PXDNL: variants seen among roughly 807,000 people sequenced by gnomAD.
PXDNL encodes peroxidasin like, also known as probable oxidoreductase PXDNL.
Under a neutral mutation model 150.8 loss-of-function variants are expected in PXDNL, and 145 were observed. That is an observed-to-expected ratio of 0.96 (90% CI 0.84 to 1.10). PXDNL has a LOEUF of 1.10. Among genes scored for constraint, PXDNL ranks in the 50% least tolerant of loss-of-function variants. The pLI is 0.00. For synonymous variants in PXDNL, 757 were observed against 725.7 expected (o/e 1.04, Z -0.69); for missense variants, 2,087 against 1,873.9 (o/e 1.11, Z -2.10).
chr8:51,500,351 G>T (rs1202226125), intron 4 of PXDNL, among the ~76,000 whole-genome samples: 3 of 152,274 alleles, frequency 2.0e-5, no homozygotes, highest in African/African-American at 4.8e-5. Flanking sequence ...TCCCCTCTGT[G>T]CAACTGATCC....
chr8:51,675,629 C>G (rs1464931533), intron 1 of PXDNL, among the ~76,000 whole-genome samples: 1 of 151,702 alleles, frequency 6.6e-6, no homozygotes, highest in East Asian at 1.9e-4. Context: ...CCTGTCTCTA[C>G]TAAAAATACA....
intron 8 of PXDNL, among the ~76,000 whole-genome samples, chr8:51,471,019 A>C (rs1309002658): frequency 1.0e-5 from 1 of 96,518 alleles, no homozygotes; most frequent in Admixed American, 1.1e-4. Context: ...TCTGCACAGC[A>C]AAAAAAAAAA....
At chr8:51,576,393 C>T (rs941068394) in intron 3 of PXDNL, among the ~76,000 whole-genome samples, 9 of 151,586 alleles carry the variant, frequency 5.9e-5, no homozygotes, top group Admixed American at 5.9e-4. Context: ...AATATCTAAA[C>T]ACTTGGAAAC....
At chr8:51,729,776 AG>A (rs536633497) in intron 1 of PXDNL, among the ~76,000 whole-genome samples, 84 of 152,306 alleles carry the variant, frequency 5.5e-4, no homozygotes, top group African/African-American at 1.4e-3. Context: ...GATAAACTGT[AG>A]TACATCCACA....
Position 51,794,187 on chromosome 8 carries a change from G to A in PXDNL, c.164+14994C>T, listed in dbSNP as rs150769963. Among the ~76,000 whole-genome samples the A allele has an allele frequency of 2.6e-4, 39 of 152,218 alleles. No individual in the cohort carries two copies. In the East Asian group the frequency reaches 6.8e-3, roughly 26 times the overall value. On this transcript the variant is annotated intron_variant, in intron 1 of 22. Coordinates refer to ENST00000356297, the MANE Select transcript of PXDNL (RefSeq NM_144651.5). ...ATGTGAAAAGACGGAACCTATGACC[G>A]ATTGGGGTACTTGAAAGAGATGGGG... is the stretch of plus-strand genomic sequence containing the variant.
At chr8:51,646,809 C>G (rs1196226774) in intron 2 of PXDNL, among the ~76,000 whole-genome samples, 1 of 151,966 alleles carries the variant, frequency 6.6e-6, no homozygotes, top group Non-Finnish European at 1.5e-5. Context: ...AATGACAAAC[C>G]AATGATTAGG....
Position 51,324,235 on chromosome 8 carries a change from G to T in PXDNL, c.4147-3338C>A, listed in dbSNP as rs114541263. 9.9e-3 allele frequency among the ~76,000 whole-genome samples: 1,508 copies of T among 152,232 alleles called. 24 individuals carry two copies. Among genetic ancestry groups the T allele is most frequent in the African/African-American group, 0.035 (1,459 of 41,534 alleles). On this transcript the variant is annotated intron_variant, in intron 21 of 22. Coordinates refer to ENST00000356297, the MANE Select transcript of PXDNL (RefSeq NM_144651.5). ...TAGGCAGCTGTATCATCTGAAAATA[G>T]TTTTATTTCTTCCTTTTCAATCTAT...
At chr8:51,373,605 G>A (rs1807196991) in intron 18 of PXDNL, among the ~76,000 whole-genome samples, 1 of 152,110 alleles carries the variant, frequency 6.6e-6, no homozygotes, top group African/African-American at 2.4e-5. Context: ...TGCAATAAAG[G>A]GAATTAAATC....
chr8:51,639,332 G>A (rs905601988), intron 2 of PXDNL, among the ~76,000 whole-genome samples: 2 of 151,962 alleles, frequency 1.3e-5, no homozygotes, highest in Non-Finnish European at 2.9e-5. Context: ...GCTAGCAGAA[G>A]GCAAGAAATA....
intron 10 of PXDNL, 108 bp downstream of exon 10, chr8:51,453,411 C>T (rs1176562279): frequency 3.4e-6 from 4 of 1,163,596 alleles, no homozygotes; most frequent in Non-Finnish European, 4.9e-6. Context: ...AAATAATTGG[C>T]AAATAAAAAT....
chr8:51,602,573 T>C (rs996670932), intron 2 of PXDNL, among the ~76,000 whole-genome samples: 1 of 151,920 alleles, frequency 6.6e-6, no homozygotes, highest in African/African-American at 2.4e-5. Context: ...GACTTCAAAA[T>C]TCAAATGTTA....
chr8:51,362,702 T>A (rs1054905708), intron 19 of PXDNL, among the ~76,000 whole-genome samples: 1 of 152,154 alleles, frequency 6.6e-6, no homozygotes, highest in Non-Finnish European at 1.5e-5. Context: ...AGATTTGGAA[T>A]TGCCTGGCTG....
intron 17 of PXDNL, among the ~76,000 whole-genome samples, chr8:51,404,376 A>G (rs1356907865): frequency 1.3e-5 from 2 of 151,854 alleles, no homozygotes; most frequent in Non-Finnish European, 2.9e-5. Context: ...TGTGTTTACA[A>G]TCCCTGAGCT....
At chr8:51,431,904 C>A (rs539200228) in intron 12 of PXDNL, among the ~76,000 whole-genome samples, 8 of 152,188 alleles carry the variant, frequency 5.3e-5, no homozygotes, top group African/African-American at 1.9e-4. Context: ...TTTGGGAATT[C>A]TCTATATATT....
At chr8:51,505,366 G>A (rs903001619) in intron 4 of PXDNL, among the ~76,000 whole-genome samples, 3 of 152,188 alleles carry the variant, frequency 2.0e-5, no homozygotes, top group Non-Finnish European at 4.4e-5. Flanking sequence ...CTTTCAGCGT[G>A]AACTCACTGA....
intron 17 of PXDNL, among the ~76,000 whole-genome samples, chr8:51,399,873 A>T (rs774958223): frequency 6.6e-6 from 1 of 152,262 alleles, no homozygotes; most frequent in Non-Finnish European, 1.5e-5. Context: ...AAAGTTTTCT[A>T]TAAAATATTT....
intron 1 of PXDNL, among the ~76,000 whole-genome samples, chr8:51,720,105 TC>T (rs1816698689): frequency 1.3e-5 from 2 of 151,894 alleles, no homozygotes; most frequent in African/African-American, 2.4e-5. Context: ...CAAAGAAACC[TC>T]AGTAATAAAA....
chr8:51,669,941 C>G (rs7014372), intron 1 of PXDNL, among the ~76,000 whole-genome samples: 128,133 of 152,236 alleles, frequency 0.84, 54,226 homozygotes, highest in African/African-American at 0.93. Flanking sequence ...CCATTATGAA[C>G]ATTTCTTGCT....
At chr8:51,475,987 C>G (rs985843763) in intron 6 of PXDNL, among the ~76,000 whole-genome samples, 4 of 152,140 alleles carry the variant, frequency 2.6e-5, no homozygotes, top group African/African-American at 9.7e-5. Context: ...GTCCCAGCCA[C>G]TTGGGAGGCT....
Sources: gnomAD v4.1 joint callset for allele counts (sites outside exome capture counted in the v4.1 genomes callset) on GRCh38, gnomAD v4.1.1 for gene constraint, MANE v1.5 for transcripts, NCBI Gene and HGNC (gene_info 2026-07-23, HGNC 2026-07-21) for gene names.